Variants in EBF1 observed in about 807,000 individuals in gnomAD.
EBF1 encodes the protein EBF transcription factor 1.
A neutral mutation model predicts 68.4 loss-of-function variants in EBF1; 10 were observed. That is an observed-to-expected ratio of 0.15 (90% CI 0.09 to 0.25). EBF1 has a LOEUF of 0.25. EBF1 is among the 10% of genes least tolerant of loss of function. The probability of loss-of-function intolerance (pLI) is 1.00; values close to 1 mark genes in which losing one functional copy is unlikely to be tolerated. For synonymous variants in EBF1, 298 were observed against 299.8 expected (o/e 0.99, Z 0.06); for missense variants, 509 against 794.4 (o/e 0.64, Z 4.32).
intron 6 of EBF1, among the ~76,000 whole-genome samples, chr5:158,850,195 G>A (rs1171607102): frequency 2.0e-5 from 3 of 152,136 alleles, no homozygotes; most frequent in Admixed American, 6.5e-5. Context: ...AGTCTGTTTA[G>A]TTTCTTCTCC....
intron 6 of EBF1, among the ~76,000 whole-genome samples, chr5:159,067,377 C>T (rs1052723909): frequency 3.3e-5 from 5 of 152,160 alleles, no homozygotes; most frequent in African/African-American, 1.2e-4. Context: ...TACACATACA[C>T]ACTACTGATT....
intron 6 of EBF1, among the ~76,000 whole-genome samples, chr5:158,950,809 C>T (rs1440452071): frequency 3.9e-5 from 6 of 152,170 alleles, no homozygotes; most frequent in Admixed American, 3.3e-4. Context: ...AACCCATAGT[C>T]ACTCCTACCT....
chr5:158,790,222 C>CA lies in EBF1; in HGVS notation c.909+6122dup, dbSNP rs1778338099. On this transcript the variant is annotated intron_variant, in intron 9 of 15. Transcript: ENST00000313708. ...GCAATCTTTAAATATAGCTGCCCTA[C>CA]AAAATCATATAGCATCTAATGCCAA... Among the ~76,000 whole-genome samples, 3 of 152,216 alleles carry CA rather than the reference C, an allele frequency of 2.0e-5. No individual in the cohort carries two copies. In the South Asian group the frequency reaches 6.2e-4, roughly 32 times the overall value.
intron 8 of EBF1, among the ~76,000 whole-genome samples, chr5:158,808,688 CAG>C (rs990501931): frequency 2.6e-5 from 4 of 151,990 alleles, no homozygotes; most frequent in Admixed American, 6.6e-5. Context: ...GAGTTCAGTA[CAG>C]AGTGGGCAAA....
At chr5:159,071,389 G>C (rs1273126924) in intron 6 of EBF1, among the ~76,000 whole-genome samples, 2 of 152,154 alleles carry the variant, frequency 1.3e-5, no homozygotes, top group Non-Finnish European at 2.9e-5. Flanking sequence ...AAGGATAAAT[G>C]TCATGAGTAA....
chr5:158,907,339 GT>G (rs1351480526), intron 6 of EBF1, among the ~76,000 whole-genome samples: 6 of 152,106 alleles, frequency 3.9e-5, no homozygotes. Context: ...CAGAAACAAA[GT>G]TTTTTCAAAT....
chr5:158,729,159 A>T (rs1446308550), intron 11 of EBF1, among the ~76,000 whole-genome samples: 2 of 152,160 alleles, frequency 1.3e-5, no homozygotes, highest in Non-Finnish European at 2.9e-5. Context: ...ATTGTAATAA[A>T]ACTCGAAAAG....
chr5:159,028,114 C>T (rs1019053664), intron 6 of EBF1, among the ~76,000 whole-genome samples: 2 of 152,126 alleles, frequency 1.3e-5, no homozygotes, highest in African/African-American at 2.4e-5. Flanking sequence ...CTTGAACAAT[C>T]CCAGCAGGCT....
At chr5:159,003,469 A>T (rs928075681) in intron 6 of EBF1, among the ~76,000 whole-genome samples, 8 of 152,328 alleles carry the variant, frequency 5.3e-5, no homozygotes, top group African/African-American at 1.9e-4. Flanking sequence ...GGAAAAAAAA[A>T]AAAAAACTGG....
chr5:158,948,627 C>A (rs1426879613), intron 6 of EBF1, among the ~76,000 whole-genome samples: 1 of 152,134 alleles, frequency 6.6e-6, no homozygotes, highest in African/African-American at 2.4e-5. Context: ...ACCACTGACA[C>A]AAAGGAAGCA....
At chr5:159,083,783 C>G (rs1780132368) in intron 5 of EBF1, among the ~76,000 whole-genome samples, 1 of 152,212 alleles carries the variant, frequency 6.6e-6, no homozygotes, top group African/African-American at 2.4e-5. Flanking sequence ...GCATGGTTAA[C>G]AAAGCAATTA....
intron 1 of EBF1, chr5:159,097,654 C>G (rs553656382): frequency 8.5e-6 from 2 of 234,624 alleles, no homozygotes; most frequent in African/African-American, 4.4e-5. Context: ...CCTTGGGAAG[C>G]CACATCCCCC....
intron 14 of EBF1, among the ~76,000 whole-genome samples, chr5:158,711,123 T>A (rs1420990474): frequency 6.6e-6 from 1 of 152,238 alleles, no homozygotes; most frequent in Non-Finnish European, 1.5e-5. Context: ...TTTCCTTTTT[T>A]TTAATCTTGC....
At chr5:158,778,424 C>CT (rs1413507394) in intron 9 of EBF1, among the ~76,000 whole-genome samples, 13 of 152,252 alleles carry the variant, frequency 8.5e-5, no homozygotes, top group African/African-American at 2.6e-4. Flanking sequence ...ATTGTCTACT[C>CT]TTTGACTCCT....
chr5:158,728,571 AT>A lies in EBF1; in HGVS notation c.1125+2497del, dbSNP rs1763453401. Among the ~76,000 whole-genome samples the A allele has an allele frequency of 7.9e-5, 12 of 152,096 alleles. No individual in the cohort carries two copies. In the South Asian group the frequency reaches 2.5e-3, roughly 32 times the overall value. ...AACCATTAAACCAGATTTGTCTTCTATTTTTCTTTGAGACAGGGTCTTCTGG... is the reference window on the plus strand; with the variant it reads ...AACCATTAAACCAGATTTGTCTTCTATTTTCTTTGAGACAGGGTCTTCTGG... On this transcript the variant is annotated intron_variant, in intron 11 of 15. Coordinates refer to ENST00000313708, the MANE Select transcript of EBF1 (RefSeq NM_024007.5).
intron 6 of EBF1, among the ~76,000 whole-genome samples, chr5:158,989,197 T>C (rs1021822643): frequency 6.6e-6 from 1 of 152,208 alleles, no homozygotes; most frequent in Non-Finnish European, 1.5e-5. Flanking sequence ...AGCGACAGTC[T>C]GTACCTCTCT....
chr5:158,946,577 C>A (rs369384818), intron 6 of EBF1, among the ~76,000 whole-genome samples: 2 of 152,298 alleles, frequency 1.3e-5, no homozygotes, highest in South Asian at 4.1e-4. Flanking sequence ...CAGAGGGGCA[C>A]CCACCAAATG....
intron 6 of EBF1, among the ~76,000 whole-genome samples, chr5:158,891,242 ACAT>A (rs1801112137): frequency 6.6e-6 from 1 of 152,200 alleles, no homozygotes; most frequent in Non-Finnish European, 1.5e-5. Flanking sequence ...TGGCTTCAAG[ACAT>A]CATTTCTGTA....
intron 6 of EBF1, among the ~76,000 whole-genome samples, chr5:158,916,110 T>C (rs1807140749): frequency 6.6e-6 from 1 of 152,164 alleles, no homozygotes; most frequent in Non-Finnish European, 1.5e-5. Context: ...AGGTCATACA[T>C]AGTTCTTTAC....
Sources: allele counts gnomAD v4.1 joint callset (sites outside exome capture counted in the v4.1 genomes callset), GRCh38; gene constraint gnomAD v4.1.1; transcripts MANE v1.5; gene names NCBI Gene and HGNC (gene_info 2026-07-23, HGNC 2026-07-21).